Variants in RUNX1 observed in about 807,000 individuals in gnomAD.
RUNX1 encodes runt-related transcription factor 1.
RUNX1 carries 19 observed loss-of-function variants against 42.8 expected under a neutral mutation model. That is an observed-to-expected ratio of 0.44 (90% CI 0.31 to 0.65). The LOEUF (loss-of-function observed/expected upper bound fraction) is 0.65, where lower values mean the gene tolerates loss of function less well. Ranked by LOEUF, RUNX1 falls within the 30% of genes least tolerant of loss-of-function variation. The pLI, the probability that RUNX1 is intolerant of heterozygous loss-of-function variation, is 0.07. For synonymous variants in RUNX1, 271 were observed against 289.4 expected (o/e 0.94, Z 0.64); for missense variants, 528 against 672.0 (o/e 0.79, Z 2.37).
chr21:34,928,905 T>C (rs1463376283), intron 2 of RUNX1, among the ~76,000 whole-genome samples: 1 of 149,566 alleles, frequency 6.7e-6, no homozygotes. Context: ...AGTGTTAAGT[T>C]TCGGGGCTCA....
At chr21:34,822,522 A>G (rs958081432) in intron 7 of RUNX1, among the ~76,000 whole-genome samples, 1 of 152,236 alleles carries the variant, frequency 6.6e-6, no homozygotes, top group African/African-American at 2.4e-5. Context: ...CTCATGCTTC[A>G]AAAGCTTCTG....
chr21:34,855,788 AAGG>A (rs1234840658), intron 6 of RUNX1, among the ~76,000 whole-genome samples: 2 of 152,204 alleles, frequency 1.3e-5, no homozygotes, highest in African/African-American at 4.8e-5. Flanking sequence ...TTTTGTGCTT[AAGG>A]AGGAGACACT....
chr21:34,972,930 G>C lies in RUNX1; in HGVS notation c.58+75912C>G, dbSNP rs940815510. Among the ~76,000 whole-genome samples the C allele has an allele frequency of 8.5e-5, 13 of 152,082 alleles. 1 individual carries two copies. The highest frequency in any genetic ancestry group is 1.5e-4 in the Non-Finnish European group (10 of 68,022). ...TCATTAATCTATTATTTTTACATTAGTGACTCCCAAATTCATGTCTCCAGC... is the reference window on the plus strand; with the variant it reads ...TCATTAATCTATTATTTTTACATTACTGACTCCCAAATTCATGTCTCCAGC... On this transcript the variant is annotated intron_variant, in intron 2 of 8. Transcript: ENST00000675419.
At chr21:34,947,079 T>G (rs2058568784) in intron 2 of RUNX1, among the ~76,000 whole-genome samples, 1 of 152,228 alleles carries the variant, frequency 6.6e-6, no homozygotes, top group Non-Finnish European at 1.5e-5. Context: ...CACATGGCAC[T>G]CTATCTGTGC....
At chr21:34,970,866 G>A (rs985390425) in intron 2 of RUNX1, among the ~76,000 whole-genome samples, 4 of 151,912 alleles carry the variant, frequency 2.6e-5, no homozygotes, top group East Asian at 1.9e-4. Flanking sequence ...TTTCCTGTAC[G>A]TTCAAATTAT....
At chr21:34,894,711 C>T (rs2058114774) in intron 2 of RUNX1, among the ~76,000 whole-genome samples, 2 of 152,104 alleles carry the variant, frequency 1.3e-5, no homozygotes, top group South Asian at 2.1e-4. Context: ...CTACATCCCC[C>T]ATTGAATGTA....
intron 6 of RUNX1, among the ~76,000 whole-genome samples, chr21:34,854,298 C>T (rs1338616608): frequency 2.0e-5 from 3 of 152,004 alleles, no homozygotes; most frequent in South Asian, 2.1e-4. Context: ...AAGATTAGGC[C>T]CTTTGATCAA....
intron 2 of RUNX1, among the ~76,000 whole-genome samples, chr21:35,042,304 G>T (rs2059365168): frequency 6.6e-6 from 1 of 152,178 alleles, no homozygotes; most frequent in Non-Finnish European, 1.5e-5. Context: ...GGGAATGAAG[G>T]AAGAACATAA....
chr21:34,900,927 T>G (rs2058172290), intron 2 of RUNX1, among the ~76,000 whole-genome samples: 1 of 152,218 alleles, frequency 6.6e-6, no homozygotes, highest in Admixed American at 6.5e-5. Flanking sequence ...AAATAGGAAT[T>G]CCTATAAACA....
In RUNX1 at chr21:34,788,858, C is replaced by T. The variant is rs187846118; in HGVS notation, c.*3277G>A. 4.3e-6 allele frequency: 1 copy of T among 233,352 alleles called. No homozygotes were observed. Among genetic ancestry groups the T allele is most frequent in the African/African-American group, 2.2e-5 (1 of 45,456 alleles). 14.5% of individuals were successfully genotyped at this position (233,352 alleles called of 1,614,324 possible). On this transcript the variant is annotated 3_prime_UTR_variant, in exon 9 of 9. Coordinates refer to ENST00000675419, the MANE Select transcript of RUNX1 (RefSeq NM_001754.5). ...GTATAAAAGACCCAAACATGTCATT[C>T]CCCCCAAAAATAAAAACCAACAAAA...
At chr21:35,000,757 A>G (rs1334558783) in intron 2 of RUNX1, among the ~76,000 whole-genome samples, 1 of 152,188 alleles carries the variant, frequency 6.6e-6, no homozygotes, top group African/African-American at 2.4e-5. Flanking sequence ...CGTCTCTCAC[A>G]TCATTGCCTT....
intron 2 of RUNX1, among the ~76,000 whole-genome samples, chr21:34,987,296 C>T (rs2058895995): frequency 6.6e-6 from 1 of 152,154 alleles, no homozygotes; most frequent in Non-Finnish European, 1.5e-5. Context: ...AGAACAGGAG[C>T]ATGTAGCCAG....
chr21:34,856,385 A>T, intron 6 of RUNX1: 1 of 519,056 alleles, frequency 1.9e-6, no homozygotes, highest in Non-Finnish European at 3.8e-6. Flanking sequence ...CAAATATGCC[A>T]GCCAATCATA....
intron 5 of RUNX1, among the ~76,000 whole-genome samples, chr21:34,877,869 C>T (rs953644379): frequency 6.6e-6 from 1 of 152,164 alleles, no homozygotes; most frequent in Non-Finnish European, 1.5e-5. Context: ...TTTCATTTTG[C>T]ACCACTTACT....
At position 34,975,955 on chromosome 21, in the gene RUNX1, C is replaced by T. The variant is rs111241404; in HGVS notation, c.58+72887G>A. Reference sequence around the variant, plus strand: ...TAAATTATGGAAGGTCTTGGTTTCACGGCCAGTTGAGTTGTGTTTTATCTG... The same window carrying T: ...TAAATTATGGAAGGTCTTGGTTTCATGGCCAGTTGAGTTGTGTTTTATCTG... On this transcript the variant is annotated intron_variant, in intron 2 of 8. Transcript: ENST00000675419. Among the ~76,000 whole-genome samples, 80 of 152,028 alleles carry T rather than the reference C, an allele frequency of 5.3e-4. 1 individual carries two copies. Among genetic ancestry groups the T allele is most frequent in the Non-Finnish European group, 7.2e-4 (49 of 67,958 alleles).
At chr21:34,872,097 G>C (rs1305538295) in intron 5 of RUNX1, among the ~76,000 whole-genome samples, 3 of 152,126 alleles carry the variant, frequency 2.0e-5, no homozygotes, top group African/African-American at 7.2e-5. Context: ...TCCTGCCTTG[G>C]CCTCCTAAAG....
At chr21:34,856,337 C>CA (rs2146216290) in intron 6 of RUNX1, 1 of 518,872 alleles carries the variant, frequency 1.9e-6, no homozygotes, top group East Asian at 5.4e-5. Flanking sequence ...GAGGCACTAC[C>CA]ATTTGCCCTT....
chr21:35,004,496 G>A (rs185456346), intron 2 of RUNX1, among the ~76,000 whole-genome samples: 3 of 152,258 alleles, frequency 2.0e-5, no homozygotes, highest in East Asian at 1.9e-4. Context: ...AGAACAGCAC[G>A]ACAATTTCAG....
At chr21:34,938,031 T>C (rs182041397) in intron 2 of RUNX1, among the ~76,000 whole-genome samples, 1 of 152,230 alleles carries the variant, frequency 6.6e-6, no homozygotes, top group Non-Finnish European at 1.5e-5. Flanking sequence ...CAGATATGCA[T>C]AGTGCCGTGC....
Sources: gnomAD v4.1 joint callset for allele counts (sites outside exome capture counted in the v4.1 genomes callset) on GRCh38, gnomAD v4.1.1 for gene constraint, MANE v1.5 for transcripts, NCBI Gene and HGNC (gene_info 2026-07-23, HGNC 2026-07-21) for gene names.